The following FBLN5 variants were observed in gnomAD, a reference collection of about 807,000 sequenced individuals.
FBLN5 encodes fibulin-5.
FBLN5 carries 24 observed loss-of-function variants against 61.6 expected under a neutral mutation model. The ratio of observed to expected loss-of-function variants is 0.39; its 90% CI spans 0.28 to 0.55. FBLN5 has a LOEUF of 0.55. Ranked by LOEUF, FBLN5 falls within the 20% of genes least tolerant of loss-of-function variation. The pLI is 0.65. For synonymous variants in FBLN5, 213 were observed against 219.8 expected (o/e 0.97, Z 0.27); for missense variants, 470 against 594.1 (o/e 0.79, Z 2.17).
intron 1 of FBLN5, among the ~76,000 whole-genome samples, chr14:91,945,692 G>C (rs182457030): frequency 6.6e-6 from 1 of 152,122 alleles, no homozygotes; most frequent in Non-Finnish European, 1.5e-5. Flanking sequence ...GCCCTGATAC[G>C]ATCTTAGGAG....
At chr14:91,917,597 A>AAAAAG (rs1891251234) in intron 4 of FBLN5, among the ~76,000 whole-genome samples, 1 of 150,202 alleles carries the variant, frequency 6.7e-6, no homozygotes, top group African/African-American at 2.5e-5. Flanking sequence ...AAAAAAAAAA[A>AAAAAG]AAAGAAAGAA....
intron 6 of FBLN5, among the ~76,000 whole-genome samples, chr14:91,889,504 C>T (rs1889887735): frequency 6.6e-6 from 1 of 152,226 alleles, no homozygotes; most frequent in Admixed American, 6.5e-5. Flanking sequence ...CTCAGATCTG[C>T]TACCACGTGG....
chr14:91,925,562 C>G (rs1595338801), intron 4 of FBLN5, among the ~76,000 whole-genome samples: 1 of 152,192 alleles, frequency 6.6e-6, no homozygotes, highest in Non-Finnish European at 1.5e-5. Flanking sequence ...GTGCAAGGAG[C>G]TGGCGCTGGC....
intron 5 of FBLN5, among the ~76,000 whole-genome samples, chr14:91,893,321 A>C (rs949766389): frequency 6.6e-6 from 1 of 152,252 alleles, no homozygotes; most frequent in Non-Finnish European, 1.5e-5. Context: ...AAGTAGCATC[A>C]AATTTTCCAT....
At chr14:91,935,141 G>A (rs1037907041) in intron 4 of FBLN5, among the ~76,000 whole-genome samples, 36 of 152,188 alleles carry the variant, frequency 2.4e-4, no homozygotes, top group Admixed American at 4.6e-4. Context: ...TGAAAGTTCC[G>A]CATCTCCCGT....
chr14:91,927,057 A>G (rs185520616), intron 4 of FBLN5, among the ~76,000 whole-genome samples: 1 of 152,252 alleles, frequency 6.6e-6, no homozygotes, highest in East Asian at 1.9e-4. Flanking sequence ...TGAATTGCTC[A>G]CTTCAGATCC....
At chr14:91,932,261 T>C (rs943017048) in intron 4 of FBLN5, among the ~76,000 whole-genome samples, 2 of 152,206 alleles carry the variant, frequency 1.3e-5, no homozygotes, top group African/African-American at 4.8e-5. Context: ...CCTAGGTCAC[T>C]GTTCACTGTG....
At chr14:91,941,862 C>T (rs1468946981) in intron 2 of FBLN5, among the ~76,000 whole-genome samples, 1 of 152,146 alleles carries the variant, frequency 6.6e-6, no homozygotes, top group Non-Finnish European at 1.5e-5. Flanking sequence ...GCAGTAAACA[C>T]GACCCTGAAC....
intron 4 of FBLN5, among the ~76,000 whole-genome samples, chr14:91,899,167 C>T (rs947306821): frequency 1.3e-5 from 2 of 151,818 alleles, no homozygotes; most frequent in African/African-American, 4.8e-5. Context: ...TGTGTGTCCT[C>T]CCCAGCCTCC....
In FBLN5 at chr14:91,882,896, C is replaced by T. The variant is rs1196297291; in HGVS notation, c.862+58G>A. ...CCAGGTGAGGATATCCAGATGAGCCCCTGAAGCAGCTCCACCTCACACATA... is the reference window on the plus strand; with the variant it reads ...CCAGGTGAGGATATCCAGATGAGCCTCTGAAGCAGCTCCACCTCACACATA... On this transcript the variant is annotated intron_variant, in intron 8 of 10. Coordinates refer to ENST00000342058, the MANE Select transcript of FBLN5 (RefSeq NM_006329.4). The surrounding 1 kb of genome is among the most constrained non-coding windows in gnomAD (Gnocchi z 4.9). 1.3e-6 allele frequency: 2 copies of T among 1,599,734 alleles called. No individual in the cohort carries two copies. Among genetic ancestry groups the T allele is most frequent in the South Asian group, 1.1e-5 (1 of 89,826 alleles).
At position 91,869,990 on chromosome 14, in the gene FBLN5, C is replaced by CAATGAT. The variant is rs1178881770; in HGVS notation, c.*228_*233dup. The CAATGAT allele has an allele frequency of 9.1e-6, 5 of 552,262 alleles. No homozygotes were observed. In the African/African-American group the frequency reaches 9.4e-5, roughly 10 times the overall value. 34.2% of individuals were successfully genotyped at this position (552,262 alleles called of 1,614,324 possible). Reference sequence around the variant, plus strand: ...CACCAACAATCTTCTATCAGGGGAGCAATGATAATACTTTTTGATAACTGT... The same window carrying CAATGAT: ...CACCAACAATCTTCTATCAGGGGAGCAATGATAATGATAATACTTTTTGATAACTGT... On this transcript the variant is annotated 3_prime_UTR_variant, in exon 11 of 11. Coordinates refer to ENST00000342058, the MANE Select transcript of FBLN5 (RefSeq NM_006329.4).
intron 4 of FBLN5, among the ~76,000 whole-genome samples, chr14:91,895,797 C>CAAAAA (rs60216411): frequency 0.013 from 808 of 63,442 alleles, 45 homozygotes; most frequent in African/African-American, 0.052. Context: ...GACCCTGTCT[C>CAAAAA]AAAAAAAAAA....
chr14:91,920,927 A>G (rs2140023124), intron 4 of FBLN5, among the ~76,000 whole-genome samples: 1 of 152,338 alleles, frequency 6.6e-6, no homozygotes, highest in African/African-American at 2.4e-5. Context: ...GTTAAAACCC[A>G]ACTCCAATCT....
rs1443603711 is a variant in FBLN5, at chr14:91,940,631, A to T, written c.73-15T>A. ...GTGCACTGTGCCTGCAGGGAAGGAGAGAGGAGAAACAGGCAAGGTCATTTC... is the reference window on the plus strand; with the variant it reads ...GTGCACTGTGCCTGCAGGGAAGGAGTGAGGAGAAACAGGCAAGGTCATTTC... On this transcript the variant is annotated splice_polypyrimidine_tract_variant and intron_variant, in intron 2 of 10. Coordinates refer to ENST00000342058, the MANE Select transcript of FBLN5 (RefSeq NM_006329.4). The T allele has an allele frequency of 2.5e-6, 4 of 1,613,400 alleles. No individual in the cohort carries two copies. In the Admixed American group the frequency reaches 5.0e-5, roughly 20 times the overall value.
rs146741888 is a variant in FBLN5, at chr14:91,940,842, T to C, written c.73-226A>G. On this transcript the variant is annotated intron_variant, in intron 2 of 10. Transcript: ENST00000342058. ...ACACCAGGCCAGGCGCAGTGGCTCA[T>C]GCATGTAATCCCAGCACTTTGGGAG... Among the ~76,000 whole-genome samples, 5 of 152,294 alleles carry C rather than the reference T, an allele frequency of 3.3e-5. No homozygotes were observed. In the East Asian group the frequency reaches 9.6e-4, roughly 29 times the overall value.
chr14:91,914,684 G>T (rs1167165760), intron 4 of FBLN5, among the ~76,000 whole-genome samples: 1 of 151,220 alleles, frequency 6.6e-6, no homozygotes, highest in African/African-American at 2.4e-5. Context: ...AACATAGAAA[G>T]AAAAGAATAA....
intron 4 of FBLN5, among the ~76,000 whole-genome samples, chr14:91,927,797 C>T (rs143012351): frequency 2.9e-3 from 449 of 152,382 alleles, no homozygotes; most frequent in Non-Finnish European, 4.2e-3. Flanking sequence ...ATTAAAAAGT[C>T]CACACTTCAT....
chr14:91,900,327 A>G (rs1044622971), intron 4 of FBLN5, among the ~76,000 whole-genome samples: 2 of 152,250 alleles, frequency 1.3e-5, no homozygotes, highest in Admixed American at 6.5e-5. Flanking sequence ...ATGCATATGT[A>G]TGATAGCTAT....
intron 3 of FBLN5, among the ~76,000 whole-genome samples, chr14:91,939,633 C>T (rs1312432900): frequency 6.6e-6 from 1 of 152,170 alleles, no homozygotes; most frequent in African/African-American, 2.4e-5. Context: ...TGAGCCACCG[C>T]ACCCGGCCCC....
Sources: allele counts gnomAD v4.1 joint callset (sites outside exome capture counted in the v4.1 genomes callset), GRCh38; gene constraint gnomAD v4.1.1; non-coding constraint Gnocchi (gnomAD v3.1); transcripts MANE v1.5; gene names NCBI Gene and HGNC (gene_info 2026-07-23, HGNC 2026-07-21).